ACOX1: variants seen among roughly 807,000 people sequenced by gnomAD.
The protein encoded by ACOX1 is peroxisomal acyl-coenzyme A oxidase 1.
Under a neutral mutation model 75.5 loss-of-function variants are expected in ACOX1, and 41 were observed. The ratio of observed to expected loss-of-function variants is 0.54; its 90% CI spans 0.42 to 0.70. The LOEUF (loss-of-function observed/expected upper bound fraction) is 0.70. Among genes scored for constraint, ACOX1 ranks in the 30% least tolerant of loss-of-function variants. The pLI is 0.00. For missense variants in ACOX1, 630 were observed against 837.5 expected, an observed-to-expected ratio of 0.75 and a Z score of 3.06; for synonymous variants, 303 against 298.8, an observed-to-expected ratio of 1.01 and a Z score of -0.15.
chr17:75,978,344 C>T lies in ACOX1; in HGVS notation c.269+190G>A, dbSNP rs1327166166. 22 of 611,504 alleles carry T rather than the reference C, an allele frequency of 3.6e-5. No homozygotes were observed. Among genetic ancestry groups the T allele is most frequent in the Non-Finnish European group, 5.8e-5 (20 of 346,388 alleles). The allele number at this position is 611,504 out of a possible 1,614,324, so 37.9% of individuals were successfully genotyped here. Reference sequence around the variant, plus strand: ...TCCTGACTTGGTGATCCGCCCGCCTCGGCCTCCCAAAGTGCTGGGATTACA... The same window carrying T: ...TCCTGACTTGGTGATCCGCCCGCCTTGGCCTCCCAAAGTGCTGGGATTACA... On this transcript the variant is annotated intron_variant, in intron 2 of 13. Transcript: ENST00000293217. This position sits in a 1 kb window ranked among gnomAD's most constrained non-coding sequence, Gnocchi z 4.2.
At chr17:75,972,370 T>A (rs1598199923) in intron 2 of ACOX1, among the ~76,000 whole-genome samples, 1 of 147,400 alleles carries the variant, frequency 6.8e-6, no homozygotes, top group Admixed American at 6.8e-5. Flanking sequence ...CCAGGCGCGG[T>A]GGCTCACGCC....
chr17:75,957,425 A>G (rs2065843728), intron 4 of ACOX1, 34 bp downstream of exon 4: 4 of 1,557,730 alleles, frequency 2.6e-6, no homozygotes, highest in Non-Finnish European at 3.5e-6. Context: ...ACAAACCTTC[A>G]AAACATCCAA....
chr17:75,967,601 T>A (rs902598886), intron 2 of ACOX1, among the ~76,000 whole-genome samples: 2 of 141,080 alleles, frequency 1.4e-5, no homozygotes, highest in African/African-American at 5.5e-5. Context: ...AAAATCGAAA[T>A]ATATATATAT....
Position 75,979,110 on chromosome 17 carries a change from G to GTA in ACOX1, c.-38_-37insTA. ...GCTGGCAGCGAAGTAAGCACCGACC[G>GTA]AGGTGGCAGTGACAATCTAAATCCG... On this transcript the variant is annotated 5_prime_UTR_variant, in exon 1 of 14. Coordinates refer to ENST00000293217, the MANE Select transcript of ACOX1 (RefSeq NM_004035.7). 1 of 1,606,594 alleles carries GTA rather than the reference G, an allele frequency of 6.2e-7. No individual in the cohort carries two copies. Among genetic ancestry groups the GTA allele is most frequent in the Admixed American group, 1.7e-5 (1 of 59,998 alleles).
Position 75,948,388 on chromosome 17 carries a change from G to T in ACOX1, c.1798C>A (p.Arg600Ser). The change falls in exon 13 of 14, where the codon CGC (arginine) becomes AGC (serine). Residue 600 changes from arginine (R) to serine (S), a missense_variant. This residue lies in a region of ACOX1 where 240 missense variants were observed against 262.7 expected (regional missense o/e 0.91). Coordinates refer to ENST00000293217, the MANE Select transcript of ACOX1 (RefSeq NM_004035.7). ...QRVKELLTLIRSDAVALVDAF... is the reference protein window; with the variant it reads ...QRVKELLTLISSDAVALVDAF... ...TCAACCAAAGCAACAGCATCTGAGC[G>T]AATCAGAGTGAGTAACTCCTTTACA... 6.2e-7 allele frequency: 1 copy of T among 1,614,118 alleles called. No homozygotes were observed. Among genetic ancestry groups the T allele is most frequent in the Non-Finnish European group, 8.5e-7 (1 of 1,180,022 alleles).
chr17:75,967,821 A>G (rs1175570845), intron 2 of ACOX1, among the ~76,000 whole-genome samples: 1 of 149,370 alleles, frequency 6.7e-6, no homozygotes, highest in East Asian at 2.0e-4. Context: ...GCTCACTGCA[A>G]CCTCCACCTC....
At chr17:75,973,437 T>TTA in intron 2 of ACOX1, 1 of 653,220 alleles carries the variant, frequency 1.5e-6, no homozygotes, top group Non-Finnish European at 2.7e-6. Context: ...TGAATGACGT[T>TTA]TATAGGCCAG....
At chr17:75,966,918 A>C (rs2065937886) in intron 2 of ACOX1, among the ~76,000 whole-genome samples, 1 of 152,058 alleles carries the variant, frequency 6.6e-6, no homozygotes, top group East Asian at 1.9e-4. Context: ...CCTATTATAA[A>C]ACTCTAAGAC....
intron 2 of ACOX1, among the ~76,000 whole-genome samples, chr17:75,966,194 C>T (rs752054625): frequency 2.0e-5 from 3 of 151,706 alleles, no homozygotes; most frequent in Non-Finnish European, 4.4e-5. Context: ...TGCGGTGGCT[C>T]GTGCCTGTAA....
At chr17:75,975,957 GAAAGA>G (rs1051577829) in intron 2 of ACOX1, among the ~76,000 whole-genome samples, 5 of 151,290 alleles carry the variant, frequency 3.3e-5, no homozygotes, top group Admixed American at 6.6e-5. Context: ...AAGAAAGAAA[GAAAGA>G]AAAGAAAAGA....
chr17:75,973,885 G>A, intron 2 of ACOX1: 1 of 1,207,372 alleles, frequency 8.3e-7, no homozygotes, highest in East Asian at 2.4e-5. Flanking sequence ...AGAAGGTCAG[G>A]AAAATGTAAA....
At chr17:75,973,857 C>T in intron 2 of ACOX1, 1 of 1,500,736 alleles carries the variant, frequency 6.7e-7, no homozygotes, top group Non-Finnish European at 9.2e-7. Flanking sequence ...TCTTGCCAAA[C>T]AGCTTTGGCC....
chr17:75,957,149 A>G (rs1030196856), intron 4 of ACOX1, among the ~76,000 whole-genome samples: 2 of 151,578 alleles, frequency 1.3e-5, no homozygotes, highest in African/African-American at 4.9e-5. Context: ...GCAATGGTGC[A>G]ATCTTGGCTC....
intron 2 of ACOX1, chr17:75,973,871 AAGG>A: frequency 7.1e-7 from 1 of 1,409,508 alleles, no homozygotes; most frequent in Non-Finnish European, 1.0e-6. Context: ...TTTGGCCTTC[AAGG>A]AGAAGGTCAG....
rs746901522 is a variant in ACOX1, at chr17:75,948,298, C to T, written c.1888G>A (p.Glu630Lys). ...TTCTTAGCCCACTCAAACAAGTTTT[C>T]ATACACATTCCCATCATAGCGGCCA... The part of the protein sequence containing the change: ...VLGRYDGNVY[E>K]NLFEWAKNSP... The change falls in exon 13 of 14, where the codon GAA becomes AAA. Residue 630 changes from glutamate (E) to lysine (K), a missense_variant. Around this residue, in one of 2 missense-constraint regions of ACOX1, gnomAD observed 240 missense variants for 262.7 expected, o/e 0.91. Coordinates refer to ENST00000293217, the MANE Select transcript of ACOX1 (RefSeq NM_004035.7). 2 of 1,613,994 alleles carry T rather than the reference C, an allele frequency of 1.2e-6. No homozygotes were observed. The highest frequency in any genetic ancestry group is 2.2e-5 in the East Asian group (1 of 44,896).
intron 2 of ACOX1, among the ~76,000 whole-genome samples, chr17:75,963,034 G>C (rs960973741): frequency 1.3e-5 from 2 of 152,066 alleles, no homozygotes; most frequent in African/African-American, 2.4e-5. Flanking sequence ...GGGAGGCTGA[G>C]GCAGGAGAAT....
Position 75,978,386 on chromosome 17 carries a change from C to CGG in ACOX1, c.269+147_269+148insCC. On this transcript the variant is annotated intron_variant, in intron 2 of 13. Transcript: ENST00000293217. The surrounding 1 kb of genome is among the most constrained non-coding windows in gnomAD (Gnocchi z 4.2). ...GGGATTACAGGCGTGAGCCACCGCG[C>CGG]CCGGCCACACATATAACTTTATAAA... 1 of 1,113,360 alleles carries CGG rather than the reference C, an allele frequency of 9.0e-7. No individual in the cohort carries two copies. The highest frequency in any genetic ancestry group is 1.3e-6 in the Non-Finnish European group (1 of 760,720). The allele number at this position is 1,113,360 out of a possible 1,614,324, so 69.0% of individuals were successfully genotyped here.
At position 75,949,876 on chromosome 17, in the gene ACOX1, A is replaced by G. The variant is rs8065946; in HGVS notation, c.1320T>C (p.Asp440=). ...QTARFLMKSY[D]QVHSGKLVCG... ...ACACCAACTTTCCTGAGTGCACCTG[A>G]TCATAACTTTTCATCAGGAACCTAA... Residue 440 remains aspartate (D), a synonymous_variant, in exon 10 of 14, where the codon GAT becomes GAC. Coordinates refer to ENST00000293217, the MANE Select transcript of ACOX1 (RefSeq NM_004035.7). 0.014 allele frequency: 23,031 copies of G among 1,614,130 alleles called. 1,854 individuals carry two copies. In the African/African-American group the frequency reaches 0.21, roughly 15 times the overall value.
At chr17:75,961,934 G>A (rs184791770) in intron 2 of ACOX1, among the ~76,000 whole-genome samples, 4 of 152,160 alleles carry the variant, frequency 2.6e-5, no homozygotes, top group Admixed American at 1.3e-4. Flanking sequence ...ATGAGAAAGC[G>A]AGACAGAACA....
Sources: allele counts gnomAD v4.1 joint callset (sites outside exome capture counted in the v4.1 genomes callset), GRCh38; gene constraint gnomAD v4.1.1; regional missense constraint gnomAD v4.1.1; non-coding constraint Gnocchi (gnomAD v3.1); transcripts MANE v1.5; gene names NCBI Gene and HGNC (gene_info 2026-07-23, HGNC 2026-07-21).